CLYBL: variants seen among roughly 807,000 people sequenced by gnomAD.
CLYBL encodes citramalyl-CoA lyase, mitochondrial.
A neutral mutation model predicts 38.9 loss-of-function variants in CLYBL; 31 were observed. That is an observed-to-expected ratio of 0.80 (90% CI 0.60 to 1.08). CLYBL has a LOEUF of 1.08. Among genes scored for constraint, CLYBL ranks in the 50% least tolerant of loss-of-function variants. The pLI is 0.00. For synonymous variants in CLYBL, 171 were observed against 158.6 expected (o/e 1.08, Z -0.59); for missense variants, 434 against 411.6 (o/e 1.05, Z -0.47).
chr13:99,907,048 C>T (rs2052705083), intron 9 of CLYBL, among the ~76,000 whole-genome samples: 1 of 152,180 alleles, frequency 6.6e-6, no homozygotes, highest in South Asian at 2.1e-4. Flanking sequence ...AGAGGTATGG[C>T]TAAGTCAATC....
At chr13:99,905,085 C>G (rs2052682153) in intron 8 of CLYBL, among the ~76,000 whole-genome samples, 1 of 152,116 alleles carries the variant, frequency 6.6e-6, no homozygotes, top group Non-Finnish European at 1.5e-5. Context: ...GTGCTTCACA[C>G]TGGAGGGTCT....
chr13:99,866,476 G>T, intron 6 of CLYBL, 69 bp downstream of exon 6: 1 of 1,384,622 alleles, frequency 7.2e-7, no homozygotes, highest in Non-Finnish European at 1.0e-6. Context: ...AATTTGACCC[G>T]AAAACACCCC....
Position 99,865,204 on chromosome 13 carries a change from T to G in CLYBL, c.634+293T>G, listed in dbSNP as rs2051712650. ...TGCTCAGGAATATATGGCATCTCCT[T>G]TGCTCCTAATAAATATATTATGTGA... On this transcript the variant is annotated intron_variant, in intron 5 of 8. Transcript: ENST00000339105. The surrounding 1 kb of genome is among the most constrained non-coding windows in gnomAD (Gnocchi z 4.7). 4 of 392,006 alleles carry G rather than the reference T, an allele frequency of 1.0e-5. No homozygotes were observed. The highest frequency in any genetic ancestry group is 8.4e-5 in the South Asian group (4 of 47,524). The allele number at this position is 392,006 out of a possible 1,614,324, so 24.3% of individuals were successfully genotyped here.
chr13:99,630,528 A>T (rs1473002503), intron 1 of CLYBL, among the ~76,000 whole-genome samples: 1 of 152,176 alleles, frequency 6.6e-6, no homozygotes, highest in African/African-American at 2.4e-5. Context: ...CCTATTTCAC[A>T]AGTTTTGACT....
intron 2 of CLYBL, among the ~76,000 whole-genome samples, chr13:99,802,283 G>T (rs1480989534): frequency 6.6e-6 from 1 of 152,122 alleles, no homozygotes; most frequent in Non-Finnish European, 1.5e-5. Context: ...TCACATTGGG[G>T]ATTAGGGCTT....
At chr13:99,795,535 T>C (rs7984587) in intron 2 of CLYBL, among the ~76,000 whole-genome samples, 1 of 151,822 alleles carries the variant, frequency 6.6e-6, no homozygotes, top group Non-Finnish European at 1.5e-5. Flanking sequence ...GTGCTTGTGG[T>C]CCCAGTTACT....
chr13:99,817,488 T>C (rs1477672205), intron 2 of CLYBL, among the ~76,000 whole-genome samples: 1 of 151,092 alleles, frequency 6.6e-6, no homozygotes, highest in Non-Finnish European at 1.5e-5. Context: ...ACCCCGTCTC[T>C]ACTAAAAATA....
At chr13:99,840,816 G>A (rs980967993) in intron 2 of CLYBL, among the ~76,000 whole-genome samples, 2 of 139,314 alleles carry the variant, frequency 1.4e-5, no homozygotes, top group South Asian at 2.3e-4. Flanking sequence ...GCAGAAAACC[G>A]TATTCCCTAC....
chr13:99,770,947 C>T (rs1419919667), intron 1 of CLYBL, among the ~76,000 whole-genome samples: 1 of 151,232 alleles, frequency 6.6e-6, no homozygotes, highest in Non-Finnish European at 1.5e-5. Context: ...GTCTCCATCT[C>T]CTGACCTCAT....
At chr13:99,715,416 C>CTT (rs55690124) in intron 1 of CLYBL, among the ~76,000 whole-genome samples, 33 of 141,306 alleles carry the variant, frequency 2.3e-4, no homozygotes, top group Non-Finnish European at 2.0e-4. Flanking sequence ...TTTTTCTTTT[C>CTT]TTTTTTTTTT....
chr13:99,854,431 C>G (rs932283769), intron 2 of CLYBL, among the ~76,000 whole-genome samples: 1 of 150,846 alleles, frequency 6.6e-6, no homozygotes, highest in Non-Finnish European at 1.5e-5. Flanking sequence ...TCATCCTATC[C>G]GACAGTAGAA....
intron 1 of CLYBL, chr13:99,727,280 A>G (rs541658246): frequency 6.6e-6 from 1 of 152,158 alleles, no homozygotes; most frequent in Non-Finnish European, 1.5e-5. Context: ...TACTTCCTAC[A>G]GTGGATTTCT....
chr13:99,763,285 G>T (rs529061729), intron 1 of CLYBL, among the ~76,000 whole-genome samples: 13 of 152,116 alleles, frequency 8.5e-5, no homozygotes, highest in Non-Finnish European at 2.9e-5. Flanking sequence ...CCCTGTTCAG[G>T]ATGATGTTAG....
intron 2 of CLYBL, among the ~76,000 whole-genome samples, chr13:99,828,741 C>T (rs1158332941): frequency 6.6e-6 from 1 of 152,122 alleles, no homozygotes; most frequent in East Asian, 1.9e-4. Context: ...ATAATACATA[C>T]ACCATTTATC....
chr13:99,621,618 G>A (rs1323865840), intron 1 of CLYBL, among the ~76,000 whole-genome samples: 1 of 152,138 alleles, frequency 6.6e-6, no homozygotes, highest in Non-Finnish European at 1.5e-5. Flanking sequence ...TATTGCTGTT[G>A]TAACAGATTA....
At chr13:99,746,097 GAA>G (rs11322280) in intron 1 of CLYBL, among the ~76,000 whole-genome samples, 12 of 146,948 alleles carry the variant, frequency 8.2e-5, no homozygotes, top group African/African-American at 3.0e-4. Context: ...TTTTCTAGAA[GAA>G]AAAAAAAATG....
chr13:99,640,378 AGGG>A (rs1332583563), intron 1 of CLYBL, among the ~76,000 whole-genome samples: 2 of 152,168 alleles, frequency 1.3e-5, no homozygotes. Context: ...TGTTAGGCTG[AGGG>A]TGTTTATTGT....
intron 7 of CLYBL, among the ~76,000 whole-genome samples, chr13:99,880,369 C>A (rs1207143243): frequency 6.6e-6 from 1 of 152,136 alleles, no homozygotes; most frequent in Non-Finnish European, 1.5e-5. Flanking sequence ...CTGGCCCTTG[C>A]ATATATTACT....
intron 1 of CLYBL, among the ~76,000 whole-genome samples, chr13:99,752,254 T>TC (rs1206824039): frequency 1.3e-5 from 2 of 152,140 alleles, no homozygotes; most frequent in African/African-American, 4.8e-5. Context: ...TAATGGAAAC[T>TC]TGTGGCCCTT....
Sources: allele counts gnomAD v4.1 joint callset (sites outside exome capture counted in the v4.1 genomes callset), GRCh38; gene constraint gnomAD v4.1.1; non-coding constraint Gnocchi (gnomAD v3.1); transcripts MANE v1.5; gene names NCBI Gene and HGNC (gene_info 2026-07-23, HGNC 2026-07-21).